The following HMCN2 variants were observed in gnomAD, a reference collection of about 807,000 sequenced individuals.
HMCN2 encodes hemicentin-2.
In HMCN2, 325 loss-of-function variants were observed where a neutral mutation model predicts 377.5. The observed-to-expected ratio is 0.86, with a 90% CI of 0.79 to 0.94. The LOEUF (loss-of-function observed/expected upper bound fraction) is 0.94. Among genes scored for constraint, HMCN2 ranks in the 40% least tolerant of loss-of-function variants. The probability of loss-of-function intolerance (pLI) is 0.00; values close to 1 mark genes in which losing one functional copy is unlikely to be tolerated. For synonymous variants in HMCN2, 2,007 were observed against 2,046.8 expected (o/e 0.98, Z 0.53); for missense variants, 4,543 against 4,725.3 (o/e 0.96, Z 1.13).
At chr9:130,325,270 A>C (rs1335413151) in intron 19 of HMCN2, among the ~76,000 whole-genome samples, 2 of 150,846 alleles carry the variant, frequency 1.3e-5, no homozygotes, top group East Asian at 3.9e-4. Flanking sequence ...TAATTTTTGT[A>C]TTTTTAGTAG....
chr9:130,413,859 C>T (rs1032452268), intron 85 of HMCN2, among the ~76,000 whole-genome samples: 1 of 152,050 alleles, frequency 6.6e-6, no homozygotes, highest in African/African-American at 2.4e-5. Context: ...TAAATAACAA[C>T]CCCTAACTGG....
chr9:130,379,499 C>A, intron 54 of HMCN2, 32 bp downstream of exon 54: 1 of 949,236 alleles, frequency 1.1e-6, no homozygotes, highest in Non-Finnish European at 1.3e-6. Context: ...AAAGTGGGCG[C>A]TTTGAGCTCT....
intron 22 of HMCN2, among the ~76,000 whole-genome samples, chr9:130,333,839 A>G (rs1353697882): frequency 2.6e-5 from 4 of 152,234 alleles, no homozygotes; most frequent in African/African-American, 4.8e-5. Flanking sequence ...GAGTCTCCGC[A>G]GAGCATGCGC....
At chr9:130,388,024 C>T (rs1842109604) in intron 61 of HMCN2, among the ~76,000 whole-genome samples, 1 of 152,244 alleles carries the variant, frequency 6.6e-6, no homozygotes, top group Non-Finnish European at 1.5e-5. Flanking sequence ...GGGGGAATAT[C>T]TGGTCCCTGA....
chr9:130,418,207 C>A (rs1244192774), intron 85 of HMCN2, among the ~76,000 whole-genome samples: 1 of 152,176 alleles, frequency 6.6e-6, no homozygotes, highest in Non-Finnish European at 1.5e-5. Context: ...GACTACCTAG[C>A]CACTAACAAC....
At chr9:130,384,861 A>G in intron 59 of HMCN2, 63 bp downstream of exon 59, 4 of 1,074,870 alleles carry the variant, frequency 3.7e-6, no homozygotes, top group Non-Finnish European at 5.1e-6. Flanking sequence ...CTCAGCCCAT[A>G]CTCCCCCAGA....
At chr9:130,392,552 G>A (rs1842372333) in intron 66 of HMCN2, among the ~76,000 whole-genome samples, 7 of 152,186 alleles carry the variant, frequency 4.6e-5, no homozygotes, top group Admixed American at 4.6e-4. Context: ...GGGCTGCGTA[G>A]AGGAAGGGGA....
intron 45 of HMCN2, among the ~76,000 whole-genome samples, chr9:130,370,089 C>G (rs1840933397): frequency 6.6e-6 from 1 of 152,160 alleles, no homozygotes; most frequent in African/African-American, 2.4e-5. Flanking sequence ...TCCCTCTCTC[C>G]CTCTTGGGTT....
intron 11 of HMCN2, 73 bp from the exon 12 acceptor site, chr9:130,306,056 C>A: frequency 2.2e-6 from 1 of 451,094 alleles, no homozygotes; most frequent in Non-Finnish European, 4.7e-6. Flanking sequence ...GGGAAGAGCC[C>A]GGGGCGGGGT....
intron 97 of HMCN2, chr9:130,432,843 G>A (rs1013310312): frequency 7.8e-5 from 38 of 489,348 alleles, no homozygotes; most frequent in African/African-American, 6.0e-4. Context: ...CAGCGGCCAC[G>A]GACACTCATC....
At chr9:130,318,824 T>C (rs887534109) in intron 15 of HMCN2, among the ~76,000 whole-genome samples, 2 of 152,250 alleles carry the variant, frequency 1.3e-5, no homozygotes, top group Non-Finnish European at 2.9e-5. Flanking sequence ...GTTTTAATTC[T>C]GTCTGCTCTT....
chr9:130,291,763 G>T lies in HMCN2; in HGVS notation c.613-3092G>T, dbSNP rs147047794. ...CACAATATCGTCTAATAAAATTAATGAGTTTCCTAGTATCATTCTATACAT... is the reference window on the plus strand; with the variant it reads ...CACAATATCGTCTAATAAAATTAATTAGTTTCCTAGTATCATTCTATACAT... On this transcript the variant is annotated intron_variant, in intron 4 of 97. Coordinates refer to ENST00000683500, the MANE Select transcript of HMCN2 (RefSeq NM_001291815.2). 7.7e-3 allele frequency among the ~76,000 whole-genome samples: 1,171 copies of T among 152,242 alleles called. 6 individuals are homozygous for T. The highest frequency in any genetic ancestry group is 9.7e-3 in the Non-Finnish European group (663 of 68,020).
intron 66 of HMCN2, among the ~76,000 whole-genome samples, chr9:130,392,726 G>T (rs575142265): frequency 3.4e-5 from 5 of 147,798 alleles, no homozygotes; most frequent in South Asian, 2.1e-4. Flanking sequence ...GGCCGGGTGC[G>T]GTGGCTCACG....
chr9:130,275,958 C>T (rs1379693427), intron 1 of HMCN2, among the ~76,000 whole-genome samples: 1 of 152,010 alleles, frequency 6.6e-6, no homozygotes, highest in African/African-American at 2.4e-5. Context: ...CGGGGAGTGG[C>T]CTGGCTGGGC....
In HMCN2 at chr9:130,425,722, C is replaced by T. The variant is rs1433403922; in HGVS notation, c.13677C>T (p.Gly4559=). The T allele has an allele frequency of 6.5e-7, 1 of 1,550,038 alleles. No homozygotes were observed. Among genetic ancestry groups the T allele is most frequent in the Non-Finnish European group, 8.7e-7 (1 of 1,146,896 alleles). Residue 4559 remains glycine, a synonymous_variant, in exon 90 of 98, where the codon GGC becomes GGT. Transcript: ENST00000683500. The part of the protein sequence containing the change: ...FEEHYVQTGP[G]QLFVGSTQRF... ...AGCACTACGTGCAAACAGGGCCTGG[C>T]CAGCTGTTCGTGGGCTCCACACAGC...
At chr9:130,430,115 AGGCTGGAGTTGGTCCGGGAGAGGG>A (rs1844647871) in intron 94 of HMCN2, 145 bp from the exon 95 acceptor site, 3 of 636,032 alleles carry the variant, frequency 4.7e-6, no homozygotes, top group Non-Finnish European at 5.4e-6. Context: ...ATCGGAGAGG[AGGCTGGAGTTGGTCCGGGAGAGGG>A]GGATGCAGCG....
intron 96 of HMCN2, among the ~76,000 whole-genome samples, chr9:130,431,826 T>C (rs10115681): frequency 0.79 from 119,653 of 152,208 alleles, 47,315 homozygotes; most frequent in East Asian, 0.87. Context: ...CACAGTCCCC[T>C]CTCAGATAGC....
At chr9:130,284,337 G>A (rs1385438240) in intron 1 of HMCN2, among the ~76,000 whole-genome samples, 3 of 152,114 alleles carry the variant, frequency 2.0e-5, no homozygotes, top group African/African-American at 4.8e-5. Flanking sequence ...CTGTCCGGAG[G>A]GAGGAGCTGG....
rs895018548 is a variant in HMCN2, at chr9:130,323,750, T to C, written c.2920+1819T>C. ...GACGCAGTCACTCTGTTGCCCAGGC[T>C]GGAGTGCAGTGGCATGATCTTGGCT... is the stretch of plus-strand genomic sequence containing the variant. On this transcript the variant is annotated intron_variant, in intron 19 of 97. Transcript: ENST00000683500. 2.6e-5 allele frequency among the ~76,000 whole-genome samples: 4 copies of C among 152,294 alleles called. No homozygotes were observed. In the East Asian group the frequency reaches 7.7e-4, roughly 29 times the overall value.
Sources: allele counts gnomAD v4.1 joint callset (sites outside exome capture counted in the v4.1 genomes callset), GRCh38; gene constraint gnomAD v4.1.1; transcripts MANE v1.5; gene names NCBI Gene and HGNC (gene_info 2026-07-23, HGNC 2026-07-21).